Variants in TTC28 observed in about 807,000 individuals in gnomAD.
The protein encoded by TTC28 is tetratricopeptide repeat protein 28.
A neutral mutation model predicts 198.0 loss-of-function variants in TTC28; 61 were observed. The observed-to-expected ratio is 0.31, with a 90% CI of 0.25 to 0.38. The LOEUF is 0.38. TTC28 is among the 10% of genes least tolerant of loss of function. The probability of loss-of-function intolerance (pLI) is 1.00; values close to 1 mark genes in which losing one functional copy is unlikely to be tolerated. For missense variants in TTC28, 2,678 were observed against 3,164.0 expected, an observed-to-expected ratio of 0.85 and a Z score of 3.69; for synonymous variants, 1,171 against 1,297.8, an observed-to-expected ratio of 0.90 and a Z score of 2.10.
intron 2 of TTC28, among the ~76,000 whole-genome samples, chr22:28,530,786 A>C (rs1198185362): frequency 6.6e-6 from 1 of 152,244 alleles, no homozygotes; most frequent in East Asian, 1.9e-4. Flanking sequence ...TTTTCAACCA[A>C]GAATTTCATA....
At chr22:28,278,752 T>C (rs1197073314) in intron 5 of TTC28, among the ~76,000 whole-genome samples, 3 of 152,108 alleles carry the variant, frequency 2.0e-5, no homozygotes. Flanking sequence ...AGACAATGAG[T>C]CTGCCACCTC....
chr22:28,562,590 A>G (rs933367694), intron 2 of TTC28, among the ~76,000 whole-genome samples: 17 of 152,176 alleles, frequency 1.1e-4, no homozygotes, highest in African/African-American at 3.4e-4. Context: ...GACTTCCATT[A>G]TCTAAGCACC....
At chr22:28,498,545 T>C (rs1440178539) in intron 2 of TTC28, among the ~76,000 whole-genome samples, 1 of 152,100 alleles carries the variant, frequency 6.6e-6, no homozygotes, top group African/African-American at 2.4e-5. Context: ...TAAATCCAGG[T>C]TTCACTTGAA....
intron 2 of TTC28, among the ~76,000 whole-genome samples, chr22:28,595,071 T>TA (rs1488655739): frequency 2.0e-5 from 3 of 152,120 alleles, no homozygotes; most frequent in Admixed American, 6.5e-5. Flanking sequence ...AATCTTTTTT[T>TA]AAAAAAAGCA....
At chr22:28,063,167 T>C (rs1347785800) in intron 12 of TTC28, among the ~76,000 whole-genome samples, 2 of 152,214 alleles carry the variant, frequency 1.3e-5, no homozygotes, top group Non-Finnish European at 2.9e-5. Flanking sequence ...TAAAGTCCCA[T>C]GCATTTGTGG....
intron 5 of TTC28, among the ~76,000 whole-genome samples, chr22:28,198,250 C>T (rs1361588666): frequency 1.1e-4 from 16 of 152,074 alleles, no homozygotes; most frequent in Admixed American, 9.2e-4. Flanking sequence ...CCCTGTCTGA[C>T]CTCTAATCGA....
intron 12 of TTC28, among the ~76,000 whole-genome samples, chr22:28,089,311 A>C (rs1941732357): frequency 6.6e-6 from 1 of 152,166 alleles, no homozygotes; most frequent in Non-Finnish European, 1.5e-5. Flanking sequence ...TGGCATATAT[A>C]CACCATGGAA....
At chr22:28,460,776 T>C (rs1011780182) in intron 2 of TTC28, among the ~76,000 whole-genome samples, 10 of 152,066 alleles carry the variant, frequency 6.6e-5, no homozygotes, top group African/African-American at 2.4e-4. Flanking sequence ...CTTGACTTCC[T>C]GGGCTCAAGC....
At chr22:28,328,309 G>T (rs536422446) in intron 2 of TTC28, among the ~76,000 whole-genome samples, 2 of 152,106 alleles carry the variant, frequency 1.3e-5, no homozygotes, top group South Asian at 4.1e-4. Context: ...GGTCATGGTA[G>T]TGTGCACCTG....
chr22:28,517,901 A>G (rs915038314), intron 2 of TTC28, among the ~76,000 whole-genome samples: 1 of 152,060 alleles, frequency 6.6e-6, no homozygotes, highest in African/African-American at 2.4e-5. Flanking sequence ...CTCTTGTCCG[A>G]AGTTTTAATT....
At chr22:28,596,048 C>A (rs1279568929) in intron 2 of TTC28, among the ~76,000 whole-genome samples, 2 of 152,038 alleles carry the variant, frequency 1.3e-5, no homozygotes, top group Admixed American at 1.3e-4. Context: ...GACCAAAAAA[C>A]AAAAACAATC....
chr22:28,424,627 G>A (rs918152690), intron 2 of TTC28, among the ~76,000 whole-genome samples: 6 of 152,214 alleles, frequency 3.9e-5, no homozygotes, highest in African/African-American at 7.2e-5. Context: ...CTGTGCTAGC[G>A]TCATAGCTGT....
chr22:28,437,272 G>A (rs895619829), intron 2 of TTC28, among the ~76,000 whole-genome samples: 3 of 151,952 alleles, frequency 2.0e-5, no homozygotes, highest in African/African-American at 7.3e-5. Context: ...TAGTAGAGAC[G>A]GGGTTTCAAT....
At chr22:28,261,078 T>A (rs1168449619) in intron 5 of TTC28, among the ~76,000 whole-genome samples, 1 of 152,144 alleles carries the variant, frequency 6.6e-6, no homozygotes, top group Non-Finnish European at 1.5e-5. Flanking sequence ...GGTAAAAACC[T>A]GTAACTTTCT....
chr22:28,638,932 T>A (rs2051317444), intron 1 of TTC28, among the ~76,000 whole-genome samples: 1 of 152,158 alleles, frequency 6.6e-6, no homozygotes, highest in Non-Finnish European at 1.5e-5. Flanking sequence ...TACCTAAGAG[T>A]TGGGATTACA....
At chr22:28,277,848 T>C (rs1170439710) in intron 5 of TTC28, among the ~76,000 whole-genome samples, 2 of 152,102 alleles carry the variant, frequency 1.3e-5, no homozygotes, top group Non-Finnish European at 2.9e-5. Flanking sequence ...AAGTTAAAAA[T>C]CAAGAAAGTG....
chr22:28,277,893 C>G (rs1303722602), intron 5 of TTC28, among the ~76,000 whole-genome samples: 1 of 152,084 alleles, frequency 6.6e-6, no homozygotes, highest in Non-Finnish European at 1.5e-5. Flanking sequence ...GTGGGGCAGC[C>G]TGCCACCCAT....
chr22:28,016,148 C>T (rs1007919107), intron 13 of TTC28, among the ~76,000 whole-genome samples: 16 of 152,094 alleles, frequency 1.1e-4, no homozygotes, highest in Non-Finnish European at 1.5e-5. Context: ...CTTGGAGGGC[C>T]AGGGAGCCCA....
intron 5 of TTC28, among the ~76,000 whole-genome samples, chr22:28,216,223 TG>T (rs1927389534): frequency 6.6e-6 from 1 of 152,214 alleles, no homozygotes; most frequent in Non-Finnish European, 1.5e-5. Flanking sequence ...TATGAAGACC[TG>T]GCATATAACT....
Sources: gnomAD v4.1 joint callset for allele counts (sites outside exome capture counted in the v4.1 genomes callset) on GRCh38, gnomAD v4.1.1 for gene constraint, MANE v1.5 for transcripts, NCBI Gene and HGNC (gene_info 2026-07-23, HGNC 2026-07-21) for gene names.